SLC51A: variants seen among roughly 807,000 people sequenced by gnomAD.
SLC51A encodes solute carrier family 51 member A.
SLC51A carries 22 observed loss-of-function variants against 34.8 expected under a neutral mutation model. The ratio of observed to expected loss-of-function variants is 0.63; its 90% confidence interval spans 0.45 to 0.90. SLC51A has a LOEUF of 0.90. SLC51A is among the 40% of genes least tolerant of loss of function. The pLI, the probability that SLC51A is intolerant of heterozygous loss-of-function variation, is 0.00. For missense variants in SLC51A, 371 were observed against 414.8 expected (o/e 0.89, Z 0.92); for synonymous variants, 181 against 176.3 (o/e 1.03, Z -0.21).
At chr3:196,220,653 A>G (rs1723733737) in intron 2 of SLC51A, among the ~76,000 whole-genome samples, 1 of 152,100 alleles carries the variant, frequency 6.6e-6, no homozygotes, top group African/African-American at 2.4e-5. Flanking sequence ...CCGGCCTGCC[A>G]TGCGGGAAAA....
At position 196,216,720 on chromosome 3, in the gene SLC51A, C is replaced by G. The variant is rs536787679; in HGVS notation, c.8C>G (p.Pro3Arg). ME[P>R]GRTQIKLDPR... ...GCTGGAGAGAACGCGGCGATGGAGC[C>G]GGGCAGGACCCAGATAAAGCTTGAC... The change falls in exon 1 of 9, where the codon CCG becomes CGG. Residue 3 changes from proline to arginine, a missense_variant. Physicochemically the swap from Pro to Arg is moderately radical, Grantham distance 103. Coordinates refer to ENST00000296327, the MANE Select transcript of SLC51A (RefSeq NM_152672.6). This position sits in a 1 kb window ranked among gnomAD's most constrained non-coding sequence, Gnocchi z 4.5. The G allele has an allele frequency of 1.9e-6, 3 of 1,574,980 alleles. No individual in the cohort carries two copies. The highest frequency in any genetic ancestry group is 1.8e-5 in the Admixed American group (1 of 55,328).
In SLC51A at chr3:196,216,891, G is replaced by C; in HGVS notation, c.38+141G>C. The C allele has an allele frequency of 1.1e-6, 1 of 947,560 alleles. No individual in the cohort carries two copies. The highest frequency in any genetic ancestry group is 1.6e-6 in the Non-Finnish European group (1 of 642,958). The allele number at this position is 947,560 out of a possible 1,614,324, so 58.7% of individuals were successfully genotyped here. A position where few individuals can be genotyped will look rare whatever the true frequency, so the allele number is the denominator to read the frequency against. ...ACTGGAAATGCTCTAGCTGTTCCTA[G>C]GTCCTCAGGGACAACGTGGGTTTGG... On this transcript the variant is annotated intron_variant, in intron 1 of 8. Coordinates refer to ENST00000296327, the MANE Select transcript of SLC51A (RefSeq NM_152672.6). The surrounding 1 kb of genome is among the most constrained non-coding windows in gnomAD (Gnocchi z 4.5).
Position 196,216,679 on chromosome 3 carries a change from CG to C in SLC51A, c.-32del. 1 of 1,551,912 alleles carries C rather than the reference CG, an allele frequency of 6.4e-7. No individual in the cohort carries two copies. The highest frequency in any genetic ancestry group is 8.7e-7 in the Non-Finnish European group (1 of 1,147,832). On this transcript the variant is annotated 5_prime_UTR_variant, in exon 1 of 9. Transcript: ENST00000296327. This position sits in a 1 kb window ranked among gnomAD's most constrained non-coding sequence, Gnocchi z 4.5. ...CCGCCCCGCCTGCCCTTCCTCACCC[CG>C]GTGCCTGCGGGATTGCTGGAGAGAA...
Position 196,230,035 on chromosome 3 carries a change from A to T in SLC51A, c.754A>T (p.Met252Leu), listed in dbSNP as rs148550700. 16 of 1,613,244 alleles carry T rather than the reference A, an allele frequency of 9.9e-6. No homozygotes were observed. Among genetic ancestry groups the T allele is most frequent in the East Asian group, 6.7e-5 (3 of 44,800 alleles). ...CAGGCTACACCTGGGTGAGCAGAAC[A>T]TGGGAGCCAAATTTGCTCTGTTCCA... is the stretch of plus-strand genomic sequence containing the variant. ...QARLHLGEQN[M>L]GAKFALFQVL... Residue 252 changes from methionine to leucine, a missense_variant, in exon 7 of 9, where the codon ATG becomes TTG. Physicochemically the swap from Met to Leu is conservative, Grantham distance 15. Coordinates refer to ENST00000296327, the MANE Select transcript of SLC51A (RefSeq NM_152672.6).
intron 2 of SLC51A, among the ~76,000 whole-genome samples, chr3:196,220,383 G>A (rs1198503281): frequency 2.0e-5 from 3 of 152,116 alleles, no homozygotes; most frequent in African/African-American, 2.4e-5. Flanking sequence ...GATCATCTGC[G>A]GTCAAGAGTT....
At chr3:196,218,847 A>T (rs1723663314) in intron 2 of SLC51A, among the ~76,000 whole-genome samples, 1 of 137,666 alleles carries the variant, frequency 7.3e-6, no homozygotes, top group Non-Finnish European at 1.6e-5. Context: ...TAAAACAGTA[A>T]TTAAAAAAAA....
chr3:196,232,286 CTCTGTGACTGCACAGA>C, intron 7 of SLC51A, 117 bp from the exon 8 acceptor site: 1 of 633,316 alleles, frequency 1.6e-6, no homozygotes, highest in South Asian at 1.9e-5. Context: ...AGCCTCAACC[CTCTGTGACTGCACAGA>C]TCTGACGGTG....
In SLC51A at chr3:196,228,366, G is replaced by C; in HGVS notation, c.521+93G>C. On this transcript the variant is annotated intron_variant, in intron 5 of 8. Transcript: ENST00000296327. This position sits in a 1 kb window ranked among gnomAD's most constrained non-coding sequence, Gnocchi z 4.9. Reference sequence around the variant, plus strand: ...AGGCTCTGGGAATTAGGCGTGAATAGGCCAAAGCCAGTGACGGAAGGGTGG... The same window carrying C: ...AGGCTCTGGGAATTAGGCGTGAATACGCCAAAGCCAGTGACGGAAGGGTGG... 1 of 1,454,482 alleles carries C rather than the reference G, an allele frequency of 6.9e-7. No homozygotes were observed. The highest frequency in any genetic ancestry group is 9.1e-7 in the Non-Finnish European group (1 of 1,099,632). The allele number at this position is 1,454,482 out of a possible 1,614,324, so 90.1% of individuals were successfully genotyped here.
Position 196,229,956 on chromosome 3 carries a change from T to C in SLC51A, c.675T>C (p.Leu225=), listed in dbSNP as rs17852687. 0.46 allele frequency: 738,051 copies of C among 1,612,724 alleles called. 173,328 individuals carry two copies. The highest frequency in any genetic ancestry group is 0.82 in the East Asian group (36,601 of 44,746). ...GSTALWINTF[L]GVSTLLALWT... is the part of the protein sequence containing the mutation. ...CAGCTCTATGGATCAACACTTTCCTTGGCGTGTCCACACTGCTGGCTCTCT... is the reference window on the plus strand; with the variant it reads ...CAGCTCTATGGATCAACACTTTCCTCGGCGTGTCCACACTGCTGGCTCTCT... Residue 225 remains leucine, a synonymous_variant, in exon 7 of 9, where the codon CTT becomes CTC. Transcript: ENST00000296327.
chr3:196,226,943 T>C, intron 2 of SLC51A, 22 bp from the exon 3 acceptor site: 1 of 1,601,082 alleles, frequency 6.2e-7, no homozygotes, highest in Non-Finnish European at 8.5e-7. Context: ...GGTCGTCAGC[T>C]CTCTGCCTTC....
chr3:196,222,903 G>C (rs1331059025), intron 2 of SLC51A, among the ~76,000 whole-genome samples: 1 of 151,814 alleles, frequency 6.6e-6, no homozygotes, highest in African/African-American at 2.4e-5. Context: ...CCAGTATCGG[G>C]CTATGGATGC....
rs374326463 is a variant in SLC51A, at chr3:196,217,794, C to G, written c.39-48C>G. The stretch of plus-strand genomic sequence containing the variant: ...TGAGGGTCCAGTGTGCAACCCTCCC[C>G]CTTCCCCCAGCCCCCATGGTTCTGA... On this transcript the variant is annotated intron_variant, in intron 1 of 8. Coordinates refer to ENST00000296327, the MANE Select transcript of SLC51A (RefSeq NM_152672.6). 3.9e-5 allele frequency: 61 copies of G among 1,564,868 alleles called. No homozygotes were observed. The African/African-American group carries it at 7.4e-4, about 19-fold the overall frequency.
rs1723954526 is a variant in SLC51A at position 196,228,628 on chromosome 3, G to C, written c.522-181G>C. 1.6e-6 allele frequency: 1 copy of C among 622,004 alleles called. No individual in the cohort carries two copies. Among genetic ancestry groups the C allele is most frequent in the East Asian group, 2.7e-5 (1 of 36,464 alleles). The allele number at this position is 622,004 out of a possible 1,614,324, so 38.5% of individuals were successfully genotyped here. A position where few individuals can be genotyped will look rare whatever the true frequency, so the allele number is the denominator to read the frequency against. Reference sequence around the variant, plus strand: ...AATTCTTGTCTGGAGGTGAGTGGGAGACCAAGAGGGTTCCCAGCACTCTCA... The same window carrying C: ...AATTCTTGTCTGGAGGTGAGTGGGACACCAAGAGGGTTCCCAGCACTCTCA... On this transcript the variant is annotated intron_variant, in intron 5 of 8. Transcript: ENST00000296327. The surrounding 1 kb of genome is among the most constrained non-coding windows in gnomAD (Gnocchi z 4.9).
At chr3:196,221,648 T>C (rs1425284262) in intron 2 of SLC51A, among the ~76,000 whole-genome samples, 1 of 152,116 alleles carries the variant, frequency 6.6e-6, no homozygotes, top group Admixed American at 6.5e-5. Context: ...AACCTGTCTA[T>C]GGCCATAGAG....
chr3:196,229,378 C>CT (rs35341874), intron 6 of SLC51A, among the ~76,000 whole-genome samples: 21,442 of 130,886 alleles, frequency 0.16, 2,050 homozygotes, highest in South Asian at 0.22. Context: ...GATACCATCT[C>CT]TTTTTTTTTT....
At chr3:196,230,487 C>T (rs1015808445) in intron 7 of SLC51A, among the ~76,000 whole-genome samples, 4 of 151,720 alleles carry the variant, frequency 2.6e-5, no homozygotes, top group African/African-American at 9.7e-5. Flanking sequence ...TATATTCTCC[C>T]CTTGTGTTTC....
intron 1 of SLC51A, 63 bp from the exon 2 acceptor site, chr3:196,217,779 G>C: frequency 7.0e-7 from 1 of 1,419,462 alleles, no homozygotes; most frequent in South Asian, 1.2e-5. Flanking sequence ...TGAGGGTCCA[G>C]TGTGCAACCC....
intron 2 of SLC51A, among the ~76,000 whole-genome samples, chr3:196,225,284 G>A (rs888237335): frequency 2.6e-5 from 4 of 152,046 alleles, no homozygotes; most frequent in African/African-American, 7.2e-5. Flanking sequence ...GAGGGTCAGC[G>A]TATTTTTTGA....
intron 2 of SLC51A, among the ~76,000 whole-genome samples, chr3:196,226,254 C>T (rs919545215): frequency 1.3e-5 from 2 of 151,916 alleles, no homozygotes; most frequent in African/African-American, 4.8e-5. Context: ...CCCGGAAGGT[C>T]AAGGTTGCAG....
Sources: allele counts gnomAD v4.1 joint callset (sites outside exome capture counted in the v4.1 genomes callset), GRCh38; gene constraint gnomAD v4.1.1; non-coding constraint Gnocchi (gnomAD v3.1); transcripts MANE v1.5; gene names NCBI Gene and HGNC (gene_info 2026-07-23, HGNC 2026-07-21).